Variants in CDH8 observed in about 807,000 individuals in gnomAD.
CDH8 encodes cadherin 8.
In CDH8, 17 loss-of-function variants were observed where a neutral mutation model predicts 68.1. The ratio of observed to expected loss-of-function variants is 0.25; its 90% CI spans 0.17 to 0.37. The LOEUF is 0.37. Among genes scored for constraint, CDH8 ranks in the 10% least tolerant of loss-of-function variants. The pLI is 1.00. For synonymous variants in CDH8, 372 were observed against 365.1 expected (o/e 1.02, Z -0.21); for missense variants, 763 against 999.3 (o/e 0.76, Z 3.19).
chr16:61,886,749 T>C (rs1963680607), intron 3 of CDH8, among the ~76,000 whole-genome samples: 1 of 152,224 alleles, frequency 6.6e-6, no homozygotes, highest in Non-Finnish European at 1.5e-5. Context: ...GTTCCCAAGT[T>C]CACATATGTT....
rs187669985 is a variant in CDH8 at position 61,736,318 on chromosome 16, C to T, written c.1415-9103G>A. On this transcript the variant is annotated intron_variant, in intron 8 of 11. Coordinates refer to ENST00000577390, the MANE Select transcript of CDH8 (RefSeq NM_001796.5). ...GTGATATTAGGAGAGAAATTGGGGG[C>T]CATGTGAGGACAAGTATTGTTTTAT... is the stretch of plus-strand genomic sequence containing the variant. Among the ~76,000 whole-genome samples, 4 of 152,114 alleles carry T rather than the reference C, an allele frequency of 2.6e-5. No homozygotes were observed. In the East Asian group the frequency reaches 5.8e-4, roughly 22 times the overall value.
chr16:61,714,911 G>A (rs1964695101), intron 9 of CDH8, among the ~76,000 whole-genome samples: 1 of 151,376 alleles, frequency 6.6e-6, no homozygotes, highest in Non-Finnish European at 1.5e-5. Context: ...GAACAATTAT[G>A]TCCCATTGAA....
chr16:61,759,117 C>T (rs1960396252), intron 8 of CDH8, among the ~76,000 whole-genome samples: 1 of 152,130 alleles, frequency 6.6e-6, no homozygotes, highest in African/African-American at 2.4e-5. Context: ...AAGAAGAGCT[C>T]ACCCTGAAGA....
At chr16:61,884,344 G>A (rs921856848) in intron 3 of CDH8, among the ~76,000 whole-genome samples, 1 of 151,632 alleles carries the variant, frequency 6.6e-6, no homozygotes, top group Non-Finnish European at 1.5e-5. Context: ...TCCACGTGAT[G>A]AATAGTAAGT....
chr16:61,652,240 A>G lies in CDH8; in HGVS notation c.*1368T>C, dbSNP rs1366924344. ...GCTGTTCCTTTTTGGAGTCTAAGAC[A>G]TTCTGTGCATCACCATGAAGATCAG... On this transcript the variant is annotated 3_prime_UTR_variant, in exon 12 of 12. Transcript: ENST00000577390. 6.1e-6 allele frequency: 6 copies of G among 984,360 alleles called. No homozygotes were observed. Among genetic ancestry groups the G allele is most frequent in the Non-Finnish European group, 7.2e-6 (6 of 829,086 alleles). 61.0% of individuals were successfully genotyped at this position (984,360 alleles called of 1,614,324 possible). A position where few individuals can be genotyped will look rare whatever the true frequency, so the allele number is the denominator to read the frequency against.
In CDH8 at chr16:61,714,260, T is replaced by C; in HGVS notation, c.1537-302A>G. On this transcript the variant is annotated intron_variant, in intron 9 of 11. Coordinates refer to ENST00000577390, the MANE Select transcript of CDH8 (RefSeq NM_001796.5). ...ATCCACTGGGCAATTACAGGTTTCT[T>C]TCCAATTTGAGTATTTACGGGCATC... 5 of 304,230 alleles carry C rather than the reference T, an allele frequency of 1.6e-5. No homozygotes were observed. In the South Asian group the frequency reaches 1.9e-4, roughly 12 times the overall value. The allele number at this position is 304,230 out of a possible 1,614,324, so 18.8% of individuals were successfully genotyped here.
intron 8 of CDH8, among the ~76,000 whole-genome samples, chr16:61,755,974 C>A (rs939308480): frequency 2.0e-5 from 3 of 152,036 alleles, no homozygotes; most frequent in East Asian, 1.9e-4. Context: ...GCACATACAA[C>A]CACGCCTGGC....
chr16:61,829,931 C>A (rs1456576971), intron 4 of CDH8, among the ~76,000 whole-genome samples: 1 of 151,810 alleles, frequency 6.6e-6, no homozygotes, highest in Non-Finnish European at 1.5e-5. Context: ...CACAATTGTC[C>A]TGGATCCTCT....
Position 61,903,485 on chromosome 16 carries a change from G to C in CDH8, c.253-2012C>G, listed in dbSNP as rs1435119440. ...ATTACAGGCGCCCGCCACGGCGCCC[G>C]GCTAATTTTTTGTATTTTTAGTAGA... On this transcript the variant is annotated intron_variant, in intron 2 of 11. Coordinates refer to ENST00000577390, the MANE Select transcript of CDH8 (RefSeq NM_001796.5). 3.9e-5 allele frequency among the ~76,000 whole-genome samples: 6 copies of C among 152,260 alleles called. No homozygotes were observed. In the South Asian group the frequency reaches 1.0e-3, roughly 26 times the overall value.
At position 61,736,091 on chromosome 16, in the gene CDH8, G is replaced by A. The variant is rs1003328660; in HGVS notation, c.1415-8876C>T. Among the ~76,000 whole-genome samples the A allele has an allele frequency of 2.2e-5, 3 of 136,312 alleles. No individual in the cohort carries two copies. In the East Asian group the frequency reaches 6.5e-4, roughly 29 times the overall value. 89.4% of individuals were successfully genotyped at this position (136,312 alleles called of 152,430 possible). A position where few individuals can be genotyped will look rare whatever the true frequency, so the allele number is the denominator to read the frequency against. On this transcript the variant is annotated intron_variant, in intron 8 of 11. Transcript: ENST00000577390. ...CATCTCAAAGACAAATGAAAAACAA[G>A]AAAGAAGGAAAGAAAGAAAGAAAGG...
intron 2 of CDH8, among the ~76,000 whole-genome samples, chr16:61,984,207 C>T (rs530359117): frequency 2.6e-4 from 39 of 152,228 alleles, no homozygotes; most frequent in African/African-American, 8.9e-4. Context: ...CGTTAGCCAC[C>T]ATGCCCAACT....
chr16:61,916,652 A>G (rs909435742), intron 2 of CDH8, among the ~76,000 whole-genome samples: 1 of 152,188 alleles, frequency 6.6e-6, no homozygotes, highest in Non-Finnish European at 1.5e-5. Context: ...TTTATTTGCA[A>G]TGAAAAGTTG....
chr16:61,726,550 T>C (rs1177530298), intron 9 of CDH8: 1 of 150,920 alleles, frequency 6.6e-6, no homozygotes, highest in Non-Finnish European at 1.5e-5. Context: ...ATCTATGCAA[T>C]ATGAGGCACA....
chr16:61,668,905 T>C (rs1963734695), intron 10 of CDH8, among the ~76,000 whole-genome samples: 2 of 152,028 alleles, frequency 1.3e-5, no homozygotes. Flanking sequence ...CATTAACACA[T>C]TTGATATAAA....
chr16:61,732,257 A>C (rs765722807), intron 8 of CDH8, among the ~76,000 whole-genome samples: 3 of 151,760 alleles, frequency 2.0e-5, no homozygotes, highest in Non-Finnish European at 4.4e-5. Context: ...ATATCCTAAA[A>C]CTTCCCCAAC....
intron 2 of CDH8, among the ~76,000 whole-genome samples, chr16:61,934,743 C>T (rs572309379): frequency 1.3e-5 from 2 of 152,206 alleles, no homozygotes; most frequent in South Asian, 4.1e-4. Context: ...GGGCACAATG[C>T]TTAGTGTGTT....
intron 2 of CDH8, among the ~76,000 whole-genome samples, chr16:61,926,149 A>AGG (rs1259008131): frequency 1.7e-5 from 2 of 121,144 alleles, no homozygotes; most frequent in South Asian, 2.9e-4. Context: ...GGGACTCAGA[A>AGG]GGGGTGTGTG....
chr16:62,021,462 G>A lies in CDH8; in HGVS notation c.-59C>T. 6.4e-7 allele frequency: 1 copy of A among 1,551,122 alleles called. No homozygotes were observed. The highest frequency in any genetic ancestry group is 8.7e-7 in the Non-Finnish European group (1 of 1,149,400). On this transcript the variant is annotated 5_prime_UTR_variant, in exon 2 of 12. Coordinates refer to ENST00000577390, the MANE Select transcript of CDH8 (RefSeq NM_001796.5). The stretch of plus-strand genomic sequence containing the variant: ...GAGACAATTATTTTTTTTGTCTCCG[G>A]TCTGCAGCCATCCAATTCATCATGC...
Position 61,857,119 on chromosome 16 carries a change from C to T in CDH8, c.667G>A (p.Ala223Thr). The change falls in exon 4 of 12, where the codon GCT becomes ACT. Residue 223 changes from alanine (A) to threonine (T), a missense_variant and splice_region_variant. Ala to Thr is a moderately conservative substitution (Grantham distance 58). Transcript: ENST00000577390. The stretch of plus-strand genomic sequence containing the variant: ...ATAATTCGAAATTTAGGCCACAAAC[C>T]TGTTTCAGGCTCAATGGAAAAATAA... ...QPYFSIEPET[A>T]IIKTALPNMD... is the part of the protein sequence containing the mutation. 6.2e-7 allele frequency: 1 copy of T among 1,613,314 alleles called. No individual in the cohort carries two copies. Among genetic ancestry groups the T allele is most frequent in the Non-Finnish European group, 8.5e-7 (1 of 1,179,478 alleles).
Sources: allele counts gnomAD v4.1 joint callset (sites outside exome capture counted in the v4.1 genomes callset), GRCh38; gene constraint gnomAD v4.1.1; transcripts MANE v1.5; gene names NCBI Gene and HGNC (gene_info 2026-07-23, HGNC 2026-07-21).